The following RNF213 variants were observed in gnomAD, a reference collection of about 807,000 sequenced individuals.
RNF213 encodes ring finger protein 213.
RNF213 carries 341 observed loss-of-function variants against 514.4 expected under a neutral mutation model. The ratio of observed to expected loss-of-function variants is 0.66; its 90% CI spans 0.61 to 0.73. The LOEUF is 0.73. RNF213 is among the 30% of genes least tolerant of loss of function. The pLI, the probability that RNF213 is intolerant of heterozygous loss-of-function variation, is 0.00. For synonymous variants in RNF213, 2,655 were observed against 2,658.2 expected (o/e 1.00, Z 0.04); for missense variants, 5,767 against 6,615.6 (o/e 0.87, Z 4.45).
Position 80,295,648 on chromosome 17 carries a change from T to C in RNF213, c.1847T>C (p.Val616Ala), listed in dbSNP as rs368419803. The change falls in exon 10 of 68, where the codon GTG (valine) becomes GCG (alanine). Residue 616 changes from valine (V) to alanine (A), a missense_variant. This residue lies in a region of RNF213 where 592 missense variants were observed against 673.9 expected (regional missense o/e 0.88). Coordinates refer to ENST00000582970, the MANE Select transcript of RNF213 (RefSeq NM_001256071.3). ...STDFLPVDCPVRSKLKTGLIV... is the reference protein window; with the variant it reads ...STDFLPVDCPARSKLKTGLIV... The stretch of plus-strand genomic sequence containing the variant: ...GACTTTTTGCCTGTGGACTGCCCAG[T>C]GAGGAGTAAACTGAAAACAGGCCTG... 3 of 1,613,962 alleles carry C rather than the reference T, an allele frequency of 1.9e-6. No homozygotes were observed. The African/African-American group carries it at 4.0e-5, about 22-fold the overall frequency.
At chr17:80,350,904 T>C (rs1293809329) in intron 31 of RNF213, among the ~76,000 whole-genome samples, 1 of 152,266 alleles carries the variant, frequency 6.6e-6, no homozygotes, top group Non-Finnish European at 1.5e-5. Flanking sequence ...TGGTCATTAT[T>C]AATTTTGAAT....
At position 80,373,112 on chromosome 17, in the gene RNF213, A is replaced by G. The variant is rs1439055925; in HGVS notation, c.12889A>G (p.Lys4297Glu). The change falls in exon 49 of 68, where the codon AAG becomes GAG. Residue 4297 changes from lysine to glutamate, a missense_variant. Physicochemically the swap from Lys to Glu is moderately conservative, Grantham distance 56. Coordinates refer to ENST00000582970, the MANE Select transcript of RNF213 (RefSeq NM_001256071.3). ...RGMEFVQGLS[K>E]PGRPHQWVFP... ...GATGGAGTTCGTGCAGGGCCTCTCC[A>G]AGCCCGGCCGCCCGCACCAGTGGGT... is the stretch of plus-strand genomic sequence containing the variant. The G allele has an allele frequency of 6.2e-7, 1 of 1,613,478 alleles. No homozygotes were observed. Among genetic ancestry groups the G allele is most frequent in the Non-Finnish European group, 8.5e-7 (1 of 1,179,966 alleles).
In RNF213 at chr17:80,339,269, C is replaced by G. The variant is rs1339480350; in HGVS notation, c.4902C>G (p.Phe1634Leu). The G allele has an allele frequency of 4.6e-6, 7 of 1,532,348 alleles. No homozygotes were observed. The highest frequency in any genetic ancestry group is 6.1e-6 in the Non-Finnish European group (7 of 1,143,644). The allele number at this position is 1,532,348 out of a possible 1,614,324, so 94.9% of individuals were successfully genotyped here. ...TGCACTCTGCTGGGAATATGCTGTT[C>G]AGGACGTGGATCGCCATGGCCTACT... is the stretch of plus-strand genomic sequence containing the variant. ...IDLHSAGNML[F>L]RTWIAMAYCS... The change falls in exon 26 of 68, where the codon TTC becomes TTG. Residue 1634 changes from phenylalanine (F) to leucine (L), a missense_variant. Phe to Leu is a conservative substitution (Grantham distance 22). This residue lies in a region of RNF213 where 1,377 missense variants were observed against 1,635.2 expected (regional missense o/e 0.84). Coordinates refer to ENST00000582970, the MANE Select transcript of RNF213 (RefSeq NM_001256071.3).
rs2079269615 is a variant in RNF213, at chr17:80,366,275, C to CAAGGTACAT, written c.11872-1473_11872-1472insAAGGTACAT. Reference sequence around the variant, plus strand: ...GGATATGTACCTTGAAGGGGAATTCCTGGATCATTTGATAACTCTGTTTAA... The same window carrying CAAGGTACAT: ...GGATATGTACCTTGAAGGGGAATTCCAAGGTACATTGGATCATTTGATAACTCTGTTTAA... On this transcript the variant is annotated intron_variant, in intron 42 of 67. Transcript: ENST00000582970. Among the ~76,000 whole-genome samples the CAAGGTACAT allele has an allele frequency of 2.6e-5, 4 of 152,318 alleles. No homozygotes were observed. In the South Asian group the frequency reaches 8.3e-4, roughly 32 times the overall value.
chr17:80,301,297 G>A (rs995776848), intron 11 of RNF213, among the ~76,000 whole-genome samples: 10 of 152,104 alleles, frequency 6.6e-5, no homozygotes, highest in African/African-American at 1.2e-4. Context: ...AAGCACAGGC[G>A]ACAAAAGTAA....
intron 11 of RNF213, among the ~76,000 whole-genome samples, chr17:80,300,210 T>C (rs558428487): frequency 6.6e-6 from 1 of 152,276 alleles, no homozygotes; most frequent in East Asian, 1.9e-4. Context: ...CCAGCATCTG[T>C]TATTTTTTTA....
At chr17:80,284,201 C>CAA (rs138713917) in intron 3 of RNF213, among the ~76,000 whole-genome samples, 104 of 141,188 alleles carry the variant, frequency 7.4e-4, no homozygotes, top group African/African-American at 2.3e-3. Flanking sequence ...TACAAAAATA[C>CAA]AAAAAAAAAA....
At chr17:80,384,317 C>A (rs140372966) in intron 59 of RNF213, among the ~76,000 whole-genome samples, 12 of 152,340 alleles carry the variant, frequency 7.9e-5, no homozygotes, top group Non-Finnish European at 1.6e-4. Flanking sequence ...TGTGCCTAAG[C>A]ATCGAGGCGT....
intron 61 of RNF213, among the ~76,000 whole-genome samples, 167 bp downstream of exon 61, chr17:80,385,788 C>G (rs2080212704): frequency 6.6e-6 from 1 of 152,192 alleles, no homozygotes; most frequent in South Asian, 2.1e-4. Context: ...GTGGCACCAT[C>G]TCGGCTCACT....
rs1460555823 is a variant in RNF213 at position 80,353,345 on chromosome 17, G to A, written c.10424-167G>A. On this transcript the variant is annotated intron_variant, in intron 33 of 67. Transcript: ENST00000582970. This position sits in a 1 kb window ranked among gnomAD's most constrained non-coding sequence, Gnocchi z 5.0. Reference sequence around the variant, plus strand: ...GGCTGGAAGGAAGGGGCTGCCTTGGGGGCTGATCTTCATGACCGTGATCTC... The same window carrying A: ...GGCTGGAAGGAAGGGGCTGCCTTGGAGGCTGATCTTCATGACCGTGATCTC... 8.8e-5 allele frequency: 77 copies of A among 871,224 alleles called. No homozygotes were observed. Among genetic ancestry groups the A allele is most frequent in the Non-Finnish European group, 1.3e-4 (73 of 546,294 alleles). The allele number at this position is 871,224 out of a possible 1,614,324, so 54.0% of individuals were successfully genotyped here.
rs2044004206 is a variant in RNF213, at chr17:80,275,077, AGT to A, written c.261+1675_261+1676del. On this transcript the variant is annotated intron_variant, in intron 3 of 67. Transcript: ENST00000582970. ...TTGGTGTGTGAGTTGGGGGTGTGTG[AGT>A]GGGGTGTGTTGGGTGTGTGTGTGTT... Among the ~76,000 whole-genome samples, 3 of 73,304 alleles carry A rather than the reference AGT, an allele frequency of 4.1e-5. No individual in the cohort carries two copies. The South Asian group carries it at 1.5e-3, about 36-fold the overall frequency. 48.1% of individuals were successfully genotyped at this position (73,304 alleles called of 152,430 possible).
chr17:80,263,610 TGTA>T lies in RNF213; in HGVS notation c.-68_-66del. ...GAAGCCGTGGTCACGTGACAGGACA[TGTA>T]GTATATAGCAGGCTGCCAGCGACTC... On this transcript the variant is annotated 5_prime_UTR_variant, in exon 2 of 68. The change abolishes the stop of an existing upstream ORF in the 5' untranslated region. Transcript: ENST00000582970. This position sits in a 1 kb window ranked among gnomAD's most constrained non-coding sequence, Gnocchi z 4.9. 8.7e-7 allele frequency: 1 copy of T among 1,145,620 alleles called. No homozygotes were observed. The highest frequency in any genetic ancestry group is 1.3e-6 in the Non-Finnish European group (1 of 752,484). 71.0% of individuals were successfully genotyped at this position (1,145,620 alleles called of 1,614,324 possible). A position where few individuals can be genotyped will look rare whatever the true frequency, so the allele number is the denominator to read the frequency against.
intron 15 of RNF213, chr17:80,316,150 G>A (rs188958917): frequency 1.3e-5 from 2 of 152,304 alleles, no homozygotes; most frequent in African/African-American, 4.8e-5. Flanking sequence ...TCTTTAGGAA[G>A]CCTAGGTGGA....
Position 80,353,006 on chromosome 17 carries a change from G to A in RNF213, c.10370G>A (p.Arg3457Lys). ...RSTLMVSDVT[R>K]LQHVTISQLF... ...ACCCTCATGGTTTCTGATGTGACCAGGCTGCAGCATGTCACCATCAGCCAG... is the reference window on the plus strand; with the variant it reads ...ACCCTCATGGTTTCTGATGTGACCAAGCTGCAGCATGTCACCATCAGCCAG... The change falls in exon 33 of 68, where the codon AGG (arginine) becomes AAG (lysine). Residue 3457 changes from arginine (R) to lysine (K), a missense_variant. Physicochemically the swap from Arg to Lys is conservative, Grantham distance 26. Transcript: ENST00000582970. This position sits in a 1 kb window ranked among gnomAD's most constrained non-coding sequence, Gnocchi z 5.0. 1 of 1,613,870 alleles carries A rather than the reference G, an allele frequency of 6.2e-7. No individual in the cohort carries two copies. Among genetic ancestry groups the A allele is most frequent in the Admixed American group, 1.7e-5 (1 of 60,028 alleles).
At chr17:80,328,891 A>G (rs1369116330) in intron 20 of RNF213, among the ~76,000 whole-genome samples, 2 of 152,250 alleles carry the variant, frequency 1.3e-5, no homozygotes, top group Non-Finnish European at 2.9e-5. Context: ...GAACCACGAA[A>G]GAAACCGTCA....
Position 80,279,590 on chromosome 17 carries a change from G to T in RNF213, c.261+6186G>T, listed in dbSNP as rs186934109. Among the ~76,000 whole-genome samples, 483 of 151,964 alleles carry T rather than the reference G, an allele frequency of 3.2e-3. 2 individuals are homozygous for T. Among genetic ancestry groups the T allele is most frequent in the African/African-American group, 0.011 (445 of 41,438 alleles). On this transcript the variant is annotated intron_variant, in intron 3 of 67. Coordinates refer to ENST00000582970, the MANE Select transcript of RNF213 (RefSeq NM_001256071.3). ...AGCGATTCTCCTGCCTCACCCTCCT[G>T]AGTAGCTGGGATTACAGGCACCTGC... is the stretch of plus-strand genomic sequence containing the variant.
rs764097480 is a variant in RNF213, at chr17:80,317,298, G to T, written c.2901+21G>T. The stretch of plus-strand genomic sequence containing the variant: ...CAAAGGTACCAAAAGTTTGGGGGCA[G>T]TCTTTTCAGGGCGTGAAGGCAAGCT... On this transcript the variant is annotated intron_variant, in intron 16 of 67. Coordinates refer to ENST00000582970, the MANE Select transcript of RNF213 (RefSeq NM_001256071.3). This position sits in a 1 kb window ranked among gnomAD's most constrained non-coding sequence, Gnocchi z 4.1. 22 of 1,607,256 alleles carry T rather than the reference G, an allele frequency of 1.4e-5. No individual in the cohort carries two copies. Among genetic ancestry groups the T allele is most frequent in the Non-Finnish European group, 1.8e-5 (21 of 1,177,236 alleles).
rs2078630314 is a variant in RNF213, at chr17:80,353,919, G to A, written c.10579-100G>A. ...TTGTCCGTGAGGACCGCCGCCCTGT[G>A]CTGTTTGCTGCATTGAGACCCTCAT... is the stretch of plus-strand genomic sequence containing the variant. On this transcript the variant is annotated intron_variant, in intron 34 of 67. Transcript: ENST00000582970. This position sits in a 1 kb window ranked among gnomAD's most constrained non-coding sequence, Gnocchi z 5.0. 1 of 1,487,032 alleles carries A rather than the reference G, an allele frequency of 6.7e-7. No homozygotes were observed. The highest frequency in any genetic ancestry group is 1.4e-5 in the African/African-American group (1 of 72,456). 92.1% of individuals were successfully genotyped at this position (1,487,032 alleles called of 1,614,324 possible).
rs1255131831 is a variant in RNF213 at position 80,328,434 on chromosome 17, T to C, written c.3474T>C (p.Asp1158=). ...LLLKKEKRCV[D]SLLKMCGNVK... ...TAAAGAAAGAGAAAAGATGTGTTGATAGTCTCCTGAAGATGTGTGGGAACG... is the reference window on the plus strand; with the variant it reads ...TAAAGAAAGAGAAAAGATGTGTTGACAGTCTCCTGAAGATGTGTGGGAACG... Residue 1158 remains aspartate (D), a synonymous_variant, in exon 20 of 68, where the codon GAT becomes GAC. Coordinates refer to ENST00000582970, the MANE Select transcript of RNF213 (RefSeq NM_001256071.3). The C allele has an allele frequency of 6.5e-7, 1 of 1,537,100 alleles. No homozygotes were observed. Among genetic ancestry groups the C allele is most frequent in the Non-Finnish European group, 8.7e-7 (1 of 1,146,908 alleles).
Sources: gnomAD v4.1 joint callset for allele counts (sites outside exome capture counted in the v4.1 genomes callset) on GRCh38, gnomAD v4.1.1 for gene constraint, gnomAD v4.1.1 regional missense constraint, Gnocchi (gnomAD v3.1) non-coding constraint, MANE v1.5 for transcripts, NCBI Gene and HGNC (gene_info 2026-07-23, HGNC 2026-07-21) for gene names.